PRKCE: variants seen among roughly 807,000 people sequenced by gnomAD.
PRKCE encodes protein kinase C epsilon type.
In PRKCE, 16 loss-of-function variants were observed where a neutral mutation model predicts 85.4. That is an observed-to-expected ratio of 0.19 (90% CI 0.13 to 0.28). The LOEUF (loss-of-function observed/expected upper bound fraction) is 0.28. Ranked by LOEUF, PRKCE falls within the 10% of genes least tolerant of loss-of-function variation. The pLI is 1.00. For missense variants in PRKCE, 573 were observed against 975.2 expected (o/e 0.59, Z 5.49); for synonymous variants, 388 against 371.5 (o/e 1.04, Z -0.51).
chr2:46,155,352 G>A lies in PRKCE; in HGVS notation c.1920+4123G>A, dbSNP rs1366237796. Among the ~76,000 whole-genome samples the A allele has an allele frequency of 1.3e-5, 2 of 152,092 alleles. No homozygotes were observed. Among genetic ancestry groups the A allele is most frequent in the African/African-American group, 4.8e-5 (2 of 41,406 alleles). The stretch of plus-strand genomic sequence containing the variant: ...AGGAGCTCTTCTCAGCTCCTTGCTG[G>A]TGTCACTCGCGGGCCCCTGTTCGGC... On this transcript the variant is annotated intron_variant, in intron 13 of 14. Coordinates refer to ENST00000306156, the MANE Select transcript of PRKCE (RefSeq NM_005400.3). The surrounding 1 kb of genome is among the most constrained non-coding windows in gnomAD (Gnocchi z 4.7).
At position 45,811,104 on chromosome 2, in the gene PRKCE, G is replaced by C. The variant is rs148337486; in HGVS notation, c.349-31896G>C. On this transcript the variant is annotated intron_variant, in intron 1 of 14. Coordinates refer to ENST00000306156, the MANE Select transcript of PRKCE (RefSeq NM_005400.3). ...CATGGTCACACCTAGTTACAAGGGA[G>C]GTTGGGGAATGTGTTCTTTATAAAA... is the stretch of plus-strand genomic sequence containing the variant. Among the ~76,000 whole-genome samples the C allele has an allele frequency of 2.6e-5, 4 of 152,348 alleles. No individual in the cohort carries two copies. In the East Asian group the frequency reaches 5.8e-4, roughly 22 times the overall value.
At chr2:45,876,161 C>T (rs1167977694) in intron 2 of PRKCE, among the ~76,000 whole-genome samples, 1 of 152,194 alleles carries the variant, frequency 6.6e-6, no homozygotes, top group Non-Finnish European at 1.5e-5. Flanking sequence ...CTGCTTCCAT[C>T]TCCCCTTATT....
Position 45,989,290 on chromosome 2 carries a change from T to G in PRKCE, c.823+4610T>G, listed in dbSNP as rs1451984741. On this transcript the variant is annotated intron_variant, in intron 6 of 14. Transcript: ENST00000306156. ...AAGAATCTTCTTCCTCGCTCCTGCCTCTCTCTGACACACATCTTAATAACT... is the reference window on the plus strand; with the variant it reads ...AAGAATCTTCTTCCTCGCTCCTGCCGCTCTCTGACACACATCTTAATAACT... Among the ~76,000 whole-genome samples the G allele has an allele frequency of 2.0e-5, 3 of 152,224 alleles. No homozygotes were observed. In the East Asian group the frequency reaches 5.8e-4, roughly 29 times the overall value.
At chr2:46,154,905 G>A (rs530728145) in intron 13 of PRKCE, among the ~76,000 whole-genome samples, 7 of 152,204 alleles carry the variant, frequency 4.6e-5, no homozygotes, top group Non-Finnish European at 7.4e-5. Context: ...GGGCAGGAAC[G>A]TTTTCCAGCT....
intron 1 of PRKCE, among the ~76,000 whole-genome samples, chr2:45,761,992 G>A (rs1008828039): frequency 6.6e-6 from 1 of 152,154 alleles, no homozygotes; most frequent in Admixed American, 6.5e-5. Context: ...AGGCATTGAT[G>A]AGGGGTCCCT....
At chr2:45,869,702 C>CTTTTT (rs201819838) in intron 2 of PRKCE, among the ~76,000 whole-genome samples, 13 of 122,576 alleles carry the variant, frequency 1.1e-4, no homozygotes, top group East Asian at 9.3e-4. Flanking sequence ...TTGTTTCTCT[C>CTTTTT]TCTCTTTTTT....
chr2:45,916,241 T>A (rs74866698), intron 2 of PRKCE, among the ~76,000 whole-genome samples: 3 of 129,804 alleles, frequency 2.3e-5, no homozygotes, highest in East Asian at 2.0e-4. Flanking sequence ...CACTGAGAAA[T>A]TTTTTTTTTT....
intron 1 of PRKCE, among the ~76,000 whole-genome samples, chr2:45,725,604 G>A (rs574194002): frequency 3.9e-5 from 6 of 151,958 alleles, no homozygotes; most frequent in African/African-American, 7.2e-5. Flanking sequence ...AGACCGAGGC[G>A]GGCAGATCAC....
chr2:45,882,154 C>T (rs146649564), intron 2 of PRKCE, among the ~76,000 whole-genome samples: 3,156 of 152,196 alleles, frequency 0.021, 49 homozygotes, highest in Non-Finnish European at 0.032. Context: ...GTTTTCCTTC[C>T]GATATCATGA....
chr2:46,067,825 C>T (rs980761862), intron 10 of PRKCE, among the ~76,000 whole-genome samples: 1 of 152,158 alleles, frequency 6.6e-6, no homozygotes, highest in African/African-American at 2.4e-5. Context: ...TCTCCTAACG[C>T]TACAGACCAA....
At chr2:46,150,655 G>A (rs1017894519) in intron 12 of PRKCE, among the ~76,000 whole-genome samples, 3 of 152,130 alleles carry the variant, frequency 2.0e-5, no homozygotes, top group Non-Finnish European at 2.9e-5. Context: ...ACCTGACCTC[G>A]CTGCACTCTG....
At chr2:45,886,998 A>C (rs1695351774) in intron 2 of PRKCE, among the ~76,000 whole-genome samples, 3 of 152,216 alleles carry the variant, frequency 2.0e-5, no homozygotes, top group African/African-American at 7.2e-5. Flanking sequence ...ACGGGGTCAG[A>C]AGCTCAGAGT....
chr2:46,185,016 T>C lies in PRKCE; in HGVS notation c.*135T>C. ...AGTCCCATGTCCACTGTCTATTTATTGCATTCCCTTGCCCCAGGCCACCTC... is the reference window on the plus strand; with the variant it reads ...AGTCCCATGTCCACTGTCTATTTATCGCATTCCCTTGCCCCAGGCCACCTC... On this transcript the variant is annotated 3_prime_UTR_variant, in exon 15 of 15. Transcript: ENST00000306156. This position sits in a 1 kb window ranked among gnomAD's most constrained non-coding sequence, Gnocchi z 4.7. 1 of 1,247,984 alleles carries C rather than the reference T, an allele frequency of 8.0e-7. No homozygotes were observed. Among genetic ancestry groups the C allele is most frequent in the Non-Finnish European group, 1.1e-6 (1 of 909,342 alleles). 77.3% of individuals were successfully genotyped at this position (1,247,984 alleles called of 1,614,324 possible).
intron 1 of PRKCE, among the ~76,000 whole-genome samples, chr2:45,812,432 T>A (rs1444560578): frequency 6.6e-6 from 1 of 152,178 alleles, no homozygotes; most frequent in Non-Finnish European, 1.5e-5. Flanking sequence ...AGTCAAGCCC[T>A]GTGCAGGGGA....
intron 2 of PRKCE, among the ~76,000 whole-genome samples, chr2:45,940,580 T>A (rs1699800622): frequency 6.6e-6 from 1 of 152,180 alleles, no homozygotes; most frequent in Non-Finnish European, 1.5e-5. Context: ...AGATGATGAC[T>A]TGTATCCAGG....
At chr2:46,154,285 G>C (rs530662469) in intron 13 of PRKCE, among the ~76,000 whole-genome samples, 3 of 152,224 alleles carry the variant, frequency 2.0e-5, no homozygotes, top group Non-Finnish European at 4.4e-5. Flanking sequence ...CCAGTGAGGA[G>C]GCCTCGGGGG....
intron 5 of PRKCE, among the ~76,000 whole-genome samples, chr2:45,982,500 A>C (rs573514200): frequency 9.2e-5 from 14 of 152,068 alleles, no homozygotes; most frequent in Admixed American, 2.0e-4. Flanking sequence ...CCCTGCCTGC[A>C]CTTCCAGGTG....
At chr2:45,917,561 A>T (rs1346658111) in intron 2 of PRKCE, among the ~76,000 whole-genome samples, 1 of 152,180 alleles carries the variant, frequency 6.6e-6, no homozygotes, top group Non-Finnish European at 1.5e-5. Flanking sequence ...AGCTAGACAT[A>T]AAGGTTCTCC....
At chr2:45,866,455 C>T (rs1183966489) in intron 2 of PRKCE, among the ~76,000 whole-genome samples, 3 of 152,074 alleles carry the variant, frequency 2.0e-5, no homozygotes, top group East Asian at 1.9e-4. Context: ...CTACAGGCGC[C>T]GGCCACCATG....
Sources: gnomAD v4.1 joint callset for allele counts (sites outside exome capture counted in the v4.1 genomes callset) on GRCh38, gnomAD v4.1.1 for gene constraint, Gnocchi (gnomAD v3.1) non-coding constraint, MANE v1.5 for transcripts, NCBI Gene and HGNC (gene_info 2026-07-23, HGNC 2026-07-21) for gene names.